Variants in ATP2A1 observed in about 807,000 individuals in gnomAD.
ATP2A1 encodes the protein sarcoplasmic/endoplasmic reticulum calcium ATPase 1.
A neutral mutation model predicts 109.5 loss-of-function variants in ATP2A1; 83 were observed. The observed-to-expected ratio is 0.76, with a 90% CI of 0.63 to 0.91. The LOEUF (loss-of-function observed/expected upper bound fraction) is 0.91, where lower values mean the gene tolerates loss of function less well. ATP2A1 is among the 40% of genes least tolerant of loss of function. The pLI is 0.00. For missense variants in ATP2A1, 1,101 were observed against 1,341.0 expected (o/e 0.82, Z 2.80); for synonymous variants, 505 against 537.6 (o/e 0.94, Z 0.84).
chr16:28,885,171 C>A (rs1963583681), intron 6 of ATP2A1, among the ~76,000 whole-genome samples: 1 of 151,360 alleles, frequency 6.6e-6, no homozygotes, highest in Admixed American at 6.6e-5. Context: ...ACTGCATGAA[C>A]CCAGGAGGCT....
At position 28,898,751 on chromosome 16, in the gene ATP2A1, A is replaced by AT. The variant is rs1567489344; in HGVS notation, c.1764+300_1764+301insT. Among the ~76,000 whole-genome samples the AT allele has an allele frequency of 5.2e-4, 70 of 134,802 alleles. No homozygotes were observed. The highest frequency in any genetic ancestry group is 7.3e-4 in the African/African-American group (28 of 38,440). 88.4% of individuals were successfully genotyped at this position (134,802 alleles called of 152,430 possible). ...AGAACCCCATCTCTATTAAAAAAAA[A>AT]ATTTTTTTAATTACCTGGTTAAATT... is the stretch of plus-strand genomic sequence containing the variant. On this transcript the variant is annotated intron_variant, in intron 14 of 22. Coordinates refer to ENST00000395503, the MANE Select transcript of ATP2A1 (RefSeq NM_004320.6). The surrounding 1 kb of genome is among the most constrained non-coding windows in gnomAD (Gnocchi z 4.0).
rs956515104 is a variant in ATP2A1 at position 28,903,171 on chromosome 16, C to T, written c.2862+24C>T. The T allele has an allele frequency of 2.2e-5, 35 of 1,610,316 alleles. No individual in the cohort carries two copies. Among genetic ancestry groups the T allele is most frequent in the Non-Finnish European group, 2.8e-5 (33 of 1,177,296 alleles). On this transcript the variant is annotated intron_variant, in intron 20 of 22. Transcript: ENST00000395503. This position sits in a 1 kb window ranked among gnomAD's most constrained non-coding sequence, Gnocchi z 5.6. ...CGGTGAGGTTTCTTCCGCCCAGGGC[C>T]GCCCACCCCAGCACTGGGGAGCCCA...
At position 28,894,940 on chromosome 16, in the gene ATP2A1, A is replaced by C; in HGVS notation, c.1406A>C (p.Asn469Thr). 6.2e-7 allele frequency: 1 copy of C among 1,611,808 alleles called. No individual in the cohort carries two copies. The highest frequency in any genetic ancestry group is 8.5e-7 in the Non-Finnish European group (1 of 1,179,996). Residue 469 changes from asparagine to threonine, a missense_variant, in exon 12 of 23, where the codon AAC (asparagine) becomes ACC (threonine). Asn to Thr is a moderately conservative substitution (Grantham distance 65). Coordinates refer to ENST00000395503, the MANE Select transcript of ATP2A1 (RefSeq NM_004320.6). ...AGCCTCTCGAAGGTGGAGAGAGCCA[A>C]CGCCTGCAACTCGGTGAGCCTGCGG... ...VRSLSKVERANACNSVIRQLM... is the reference protein window; with the variant it reads ...VRSLSKVERATACNSVIRQLM...
chr16:28,881,607 C>G (rs1321332838), intron 4 of ATP2A1: 1 of 166,832 alleles, frequency 6.0e-6, no homozygotes, highest in Admixed American at 5.6e-5. Context: ...TCAAGAGTAG[C>G]CTGGCCAACA....
chr16:28,892,425 G>T (rs980325733), intron 9 of ATP2A1: 1 of 310,006 alleles, frequency 3.2e-6, no homozygotes, highest in African/African-American at 2.2e-5. Flanking sequence ...TGTGTGGTCA[G>T]ATCAGGGTGA....
At chr16:28,901,003 G>T (rs1964060289) in intron 15 of ATP2A1, 87 bp downstream of exon 15, 1 of 1,538,406 alleles carries the variant, frequency 6.5e-7, no homozygotes. Context: ...AGGGCCAGAG[G>T]GCCCTGGTAA....
At position 28,902,744 on chromosome 16, in the gene ATP2A1, C is replaced by T; in HGVS notation, c.2611-34C>T. ...TACCAGGAGGGTGGCATGGAGGTGGCCCTGGACCTCAGTCTCCCGTACCTT... is the reference window on the plus strand; with the variant it reads ...TACCAGGAGGGTGGCATGGAGGTGGTCCTGGACCTCAGTCTCCCGTACCTT... On this transcript the variant is annotated intron_variant, in intron 18 of 22. Coordinates refer to ENST00000395503, the MANE Select transcript of ATP2A1 (RefSeq NM_004320.6). This position sits in a 1 kb window ranked among gnomAD's most constrained non-coding sequence, Gnocchi z 4.8. The T allele has an allele frequency of 6.2e-7, 1 of 1,613,912 alleles. No homozygotes were observed. The highest frequency in any genetic ancestry group is 2.2e-5 in the East Asian group (1 of 44,858).
Position 28,903,801 on chromosome 16 carries a change from A to C in ATP2A1, c.*37+60A>C. 1.4e-6 allele frequency: 2 copies of C among 1,472,562 alleles called. No individual in the cohort carries two copies. The highest frequency in any genetic ancestry group is 4.5e-5 in the East Asian group (2 of 44,210). 91.2% of individuals were successfully genotyped at this position (1,472,562 alleles called of 1,614,324 possible). A position where few individuals can be genotyped will look rare whatever the true frequency, so the allele number is the denominator to read the frequency against. ...GTGCCCCTGCCACCCGCGCCCCCTCAGCCCCTTGCGCGTCGCATCCAAGGT... is the reference window on the plus strand; with the variant it reads ...GTGCCCCTGCCACCCGCGCCCCCTCCGCCCCTTGCGCGTCGCATCCAAGGT... On this transcript the variant is annotated intron_variant, in intron 22 of 22. Transcript: ENST00000395503. The surrounding 1 kb of genome is among the most constrained non-coding windows in gnomAD (Gnocchi z 5.6).
At position 28,900,664 on chromosome 16, in the gene ATP2A1, C is replaced by T. The variant is rs199776484; in HGVS notation, c.1848C>T (p.Asp616=). 30 of 1,609,816 alleles carry T rather than the reference C, an allele frequency of 1.9e-5. No individual in the cohort carries two copies. The highest frequency in any genetic ancestry group is 6.7e-5 in the African/African-American group (5 of 74,990). The change falls in exon 15 of 23, where the codon GAC becomes GAT. Residue 616 remains aspartate (D), a synonymous_variant. Transcript: ENST00000395503. ...EVTGSIQLCR[D]AGIRVIMITG... ...CGGGCTCCATCCAGCTGTGCCGTGA[C>T]GCCGGGATCCGGGTGATCATGATCA...
chr16:28,897,091 A>C (rs1052577807), intron 12 of ATP2A1, among the ~76,000 whole-genome samples: 4 of 152,024 alleles, frequency 2.6e-5, no homozygotes, highest in African/African-American at 9.7e-5. Context: ...AATATAAATA[A>C]ATAAAAATTA....
chr16:28,886,457 C>G (rs927240719), intron 6 of ATP2A1, among the ~76,000 whole-genome samples: 15 of 152,128 alleles, frequency 9.9e-5, no homozygotes, highest in Admixed American at 3.3e-4. Flanking sequence ...TGCTGCTGAG[C>G]CCCTGCTCTT....
At position 28,881,005 on chromosome 16, in the gene ATP2A1, G is replaced by T; in HGVS notation, c.310G>T (p.Val104Leu). Residue 104 changes from valine (V) to leucine (L), a missense_variant, in exon 4 of 23, where the codon GTG (valine) becomes TTG (leucine). Coordinates refer to ENST00000395503, the MANE Select transcript of ATP2A1 (RefSeq NM_004320.6). The part of the protein sequence containing the change: ...ILLILIANAI[V>L]GVWQERNAEN... ...CTTGATCCTCATTGCCAATGCCATCGTGGGGGTTTGGCAGGTTAGCGTTGA... is the reference window on the plus strand; with the variant it reads ...CTTGATCCTCATTGCCAATGCCATCTTGGGGGTTTGGCAGGTTAGCGTTGA... 1 of 1,614,084 alleles carries T rather than the reference G, an allele frequency of 6.2e-7. No individual in the cohort carries two copies. The highest frequency in any genetic ancestry group is 8.5e-7 in the Non-Finnish European group (1 of 1,179,948).
intron 4 of ATP2A1, 67 bp downstream of exon 4, chr16:28,881,086 G>A: frequency 6.8e-7 from 1 of 1,471,096 alleles, no homozygotes; most frequent in Non-Finnish European, 9.5e-7. Context: ...CCTCCCTCCA[G>A]TCTCCTCCTC....
Position 28,894,865 on chromosome 16 carries a change from C to T in ATP2A1, c.1331C>T (p.Ala444Val). Residue 444 changes from alanine (A) to valine (V), a missense_variant, in exon 12 of 23, where the codon GCA becomes GTA. Transcript: ENST00000395503. ...AAGGTCGGCGAGGCCACCGAGACAG[C>T]ACTCACCACCCTGGTGGAGAAGATG... ...YEKVGEATET[A>V]LTTLVEKMNV... is the part of the protein sequence containing the mutation. 1 of 1,612,090 alleles carries T rather than the reference C, an allele frequency of 6.2e-7. No individual in the cohort carries two copies.
intron 11 of ATP2A1, 31 bp from the exon 12 acceptor site, chr16:28,894,791 C>T (rs199702781): frequency 6.3e-5 from 102 of 1,609,956 alleles, no homozygotes; most frequent in South Asian, 9.9e-5. Flanking sequence ...CCTGGGGCAC[C>T]GACTTCCTCT....
chr16:28,904,420 C>A lies in ATP2A1; in HGVS notation c.*278C>A, dbSNP rs1483028047. On this transcript the variant is annotated 3_prime_UTR_variant, in exon 23 of 23. Coordinates refer to ENST00000395503, the MANE Select transcript of ATP2A1 (RefSeq NM_004320.6). ...GGGCTTGCAGGGACAAGGCGACCGA[C>A]TGCGCTGAGCTGCTTATTTATTGAA... 2.0e-6 allele frequency: 3 copies of A among 1,533,230 alleles called. No homozygotes were observed. Among genetic ancestry groups the A allele is most frequent in the Non-Finnish European group, 2.6e-6 (3 of 1,145,316 alleles). The allele number at this position is 1,533,230 out of a possible 1,614,324, so 95.0% of individuals were successfully genotyped here. A position where few individuals can be genotyped will look rare whatever the true frequency, so the allele number is the denominator to read the frequency against.
At position 28,880,120 on chromosome 16, in the gene ATP2A1, A is replaced by T; in HGVS notation, c.219+537A>T. On this transcript the variant is annotated intron_variant, in intron 3 of 22. Coordinates refer to ENST00000395503, the MANE Select transcript of ATP2A1 (RefSeq NM_004320.6). This position sits in a 1 kb window ranked among gnomAD's most constrained non-coding sequence, Gnocchi z 4.2. Reference sequence around the variant, plus strand: ...GTCAGGGAGGGCACTGGCATCCCTCATTACCCGCCCAGCCTGGCCTTAGCC... The same window carrying T: ...GTCAGGGAGGGCACTGGCATCCCTCTTTACCCGCCCAGCCTGGCCTTAGCC... 1.0e-6 allele frequency: 1 copy of T among 996,304 alleles called. No individual in the cohort carries two copies. Among genetic ancestry groups the T allele is most frequent in the Non-Finnish European group, 1.2e-6 (1 of 838,614 alleles). The allele number at this position is 996,304 out of a possible 1,614,324, so 61.7% of individuals were successfully genotyped here.
At chr16:28,893,879 A>T (rs184415610) in intron 9 of ATP2A1, among the ~76,000 whole-genome samples, 2 of 152,168 alleles carry the variant, frequency 1.3e-5, no homozygotes, top group Non-Finnish European at 2.9e-5. Context: ...CACTCCTGAC[A>T]GGTGATCCGC....
chr16:28,888,005 G>T (rs1231063188), intron 8 of ATP2A1, among the ~76,000 whole-genome samples: 4 of 151,682 alleles, frequency 2.6e-5, no homozygotes, highest in Non-Finnish European at 5.9e-5. Context: ...GTTTCACCGT[G>T]TTAGCCAGGA....
Sources: gnomAD v4.1 joint callset for allele counts (sites outside exome capture counted in the v4.1 genomes callset) on GRCh38, gnomAD v4.1.1 for gene constraint, Gnocchi (gnomAD v3.1) non-coding constraint, MANE v1.5 for transcripts, NCBI Gene and HGNC (gene_info 2026-07-23, HGNC 2026-07-21) for gene names.